Variants in CCDC60 observed in about 807,000 individuals in gnomAD.
The protein encoded by CCDC60 is coiled-coil domain containing 60.
Under a neutral mutation model 63.5 loss-of-function variants are expected in CCDC60, and 54 were observed. The observed-to-expected ratio is 0.85, with a 90% CI of 0.68 to 1.07. The LOEUF is 1.07. CCDC60 is among the 50% of genes least tolerant of loss of function. The pLI, the probability that CCDC60 is intolerant of heterozygous loss-of-function variation, is 0.00. For missense variants in CCDC60, 651 were observed against 684.3 expected (o/e 0.95, Z 0.54); for synonymous variants, 206 against 238.8 (o/e 0.86, Z 1.27).
rs1047854319 is a variant in CCDC60 at position 119,472,563 on chromosome 12, T to TA, written c.341+405dup. On this transcript the variant is annotated intron_variant, in intron 3 of 13. Transcript: ENST00000327554. ...TCATTGTCCACAGAAACCAGGTGCA[T>TA]AAAAAATGCCTCCTTTTTTTTTTTT... 5.6e-4 allele frequency among the ~76,000 whole-genome samples: 81 copies of TA among 145,906 alleles called. No individual in the cohort carries two copies. In the Middle Eastern group the frequency reaches 0.011, roughly 19 times the overall value.
At chr12:119,430,199 CACAT>C (rs373503916) in intron 2 of CCDC60, among the ~76,000 whole-genome samples, 45 of 130,780 alleles carry the variant, frequency 3.4e-4, no homozygotes, top group Admixed American at 9.5e-4. Flanking sequence ...CACACACACA[CACAT>C]ACACACACAC....
intron 10 of CCDC60, 39 bp from the exon 11 acceptor site, chr12:119,523,653 TG>T (rs1232912854): frequency 2.5e-6 from 4 of 1,610,998 alleles, no homozygotes; most frequent in Admixed American, 1.7e-5. Context: ...GGGACATCCC[TG>T]GGCTCCATTC....
At chr12:119,500,532 C>T (rs1399714324) in intron 6 of CCDC60, among the ~76,000 whole-genome samples, 1 of 145,462 alleles carries the variant, frequency 6.9e-6, no homozygotes, top group Non-Finnish European at 1.5e-5. Context: ...CCCTCACCGC[C>T]CCCCACCCCC....
At chr12:119,462,924 A>G (rs1305454594) in intron 2 of CCDC60, among the ~76,000 whole-genome samples, 1 of 151,990 alleles carries the variant, frequency 6.6e-6, no homozygotes, top group Non-Finnish European at 1.5e-5. Flanking sequence ...CCCAGGTTCA[A>G]GTGATTCTTG....
At position 119,467,112 on chromosome 12, in the gene CCDC60, T is replaced by G. The variant is rs11831734; in HGVS notation, c.171-4882T>G. Among the ~76,000 whole-genome samples, 1,281 of 152,352 alleles carry G rather than the reference T, an allele frequency of 8.4e-3. 16 individuals carry two copies. Among genetic ancestry groups the G allele is most frequent in the African/African-American group, 0.029 (1,207 of 41,572 alleles). Reference sequence around the variant, plus strand: ...CTGCAAAACTGCCCTGAGCTGCTGCTCTCAGCACACTGCCTGTGGGGTGGC... The same window carrying G: ...CTGCAAAACTGCCCTGAGCTGCTGCGCTCAGCACACTGCCTGTGGGGTGGC... On this transcript the variant is annotated intron_variant, in intron 2 of 13. Transcript: ENST00000327554.
intron 6 of CCDC60, among the ~76,000 whole-genome samples, chr12:119,504,725 A>G (rs1315999465): frequency 1.3e-5 from 2 of 152,238 alleles, no homozygotes; most frequent in Non-Finnish European, 2.9e-5. Flanking sequence ...ATTACAAAAG[A>G]AAAGTCAAAA....
chr12:119,463,156 C>A (rs1047794478), intron 2 of CCDC60, among the ~76,000 whole-genome samples: 3 of 152,182 alleles, frequency 2.0e-5, no homozygotes, highest in Non-Finnish European at 2.9e-5. Context: ...CCCCTACAGA[C>A]CACAGTCTGT....
intron 1 of CCDC60, chr12:119,388,343 GT>G (rs1956094749): frequency 6.6e-6 from 1 of 152,232 alleles, no homozygotes; most frequent in African/African-American, 2.4e-5. Flanking sequence ...GAGGAAGAAA[GT>G]GAGAGGAAAC....
At chr12:119,442,194 T>A (rs781461186) in intron 2 of CCDC60, among the ~76,000 whole-genome samples, 5 of 152,246 alleles carry the variant, frequency 3.3e-5, no homozygotes, top group Non-Finnish European at 5.9e-5. Flanking sequence ...ACTACTTGCT[T>A]TTTTATTTAG....
intron 7 of CCDC60, among the ~76,000 whole-genome samples, chr12:119,507,589 TACATATATATATATATATA>T (rs1566050552): frequency 1.7e-4 from 7 of 41,736 alleles, no homozygotes; most frequent in African/African-American, 1.0e-3. Context: ...CACATATATA[TACATATATATATATATATA>T]TATATATTTT....
intron 10 of CCDC60, 43 bp from the exon 11 acceptor site, chr12:119,523,650 C>A (rs201477225): frequency 6.6e-5 from 107 of 1,610,304 alleles, no homozygotes; most frequent in Middle Eastern, 5.7e-4. Context: ...TAGGGGACAT[C>A]CCTGGGCTCC....
chr12:119,413,515 A>G (rs1956643789), intron 1 of CCDC60, among the ~76,000 whole-genome samples: 1 of 152,214 alleles, frequency 6.6e-6, no homozygotes, highest in Non-Finnish European at 1.5e-5. Context: ...TTCAATGTGT[A>G]TAAACTACAG....
intron 1 of CCDC60, among the ~76,000 whole-genome samples, chr12:119,363,953 T>A (rs986936987): frequency 6.6e-6 from 1 of 152,238 alleles, no homozygotes; most frequent in African/African-American, 2.4e-5. Flanking sequence ...TCATAATTTC[T>A]AAGCAGCACT....
At chr12:119,428,507 G>A (rs1214725968) in intron 1 of CCDC60, among the ~76,000 whole-genome samples, 176 bp from the exon 2 acceptor site, 1 of 152,072 alleles carries the variant, frequency 6.6e-6, no homozygotes, top group Non-Finnish European at 1.5e-5. Context: ...CCCTTACCAT[G>A]TCCACTGTAT....
At chr12:119,492,897 C>T (rs980972743) in intron 5 of CCDC60, among the ~76,000 whole-genome samples, 8 of 151,986 alleles carry the variant, frequency 5.3e-5, no homozygotes, top group Admixed American at 2.6e-4. Context: ...GTTAGGTGTA[C>T]GATTATCAGT....
At chr12:119,428,845 C>A (rs1956947138) in intron 2 of CCDC60, 83 bp downstream of exon 2, 1 of 850,026 alleles carries the variant, frequency 1.2e-6, no homozygotes. Flanking sequence ...AAGTCCTTGC[C>A]CAGTCCCAGC....
At chr12:119,449,653 C>T (rs1320442217) in intron 2 of CCDC60, among the ~76,000 whole-genome samples, 2 of 152,090 alleles carry the variant, frequency 1.3e-5, no homozygotes, top group Non-Finnish European at 2.9e-5. Flanking sequence ...GTCACTGTGC[C>T]AGGTTCTGAG....
At chr12:119,470,407 G>A in intron 2 of CCDC60, among the ~76,000 whole-genome samples, 1 of 152,168 alleles carries the variant, frequency 6.6e-6, no homozygotes, top group East Asian at 1.9e-4. Flanking sequence ...TCTCAGCCAA[G>A]GTCAGCCAGA....
intron 1 of CCDC60, among the ~76,000 whole-genome samples, chr12:119,414,138 C>A (rs1956656985): frequency 6.6e-6 from 1 of 152,064 alleles, no homozygotes; most frequent in Admixed American, 6.5e-5. Context: ...TCTCCCTCAG[C>A]CTCCCAAGTA....
Sources: allele counts gnomAD v4.1 joint callset (sites outside exome capture counted in the v4.1 genomes callset), GRCh38; gene constraint gnomAD v4.1.1; transcripts MANE v1.5; gene names NCBI Gene and HGNC (gene_info 2026-07-23, HGNC 2026-07-21).